Variants in CTNND2 observed in about 807,000 individuals in gnomAD.
The protein encoded by CTNND2 is catenin delta 2.
CTNND2 carries 22 observed loss-of-function variants against 144.4 expected under a neutral mutation model. The observed-to-expected ratio is 0.15, with a 90% CI of 0.11 to 0.22. The LOEUF (loss-of-function observed/expected upper bound fraction) is 0.22, where lower values mean the gene tolerates loss of function less well. Among genes scored for constraint, CTNND2 ranks in the 10% least tolerant of loss-of-function variants. The pLI is 1.00. For missense variants in CTNND2, 1,353 were observed against 1,618.8 expected (o/e 0.84, Z 2.82); for synonymous variants, 751 against 695.6 (o/e 1.08, Z -1.25).
intron 2 of CTNND2, among the ~76,000 whole-genome samples, chr5:11,599,060 A>G (rs1388831952): frequency 2.0e-5 from 3 of 152,142 alleles, no homozygotes; most frequent in African/African-American, 7.2e-5. Context: ...ATCTCATCAG[A>G]TGTCAAGAGA....
chr5:11,815,432 G>T (rs1458875542), intron 1 of CTNND2, among the ~76,000 whole-genome samples: 1 of 152,118 alleles, frequency 6.6e-6, no homozygotes, highest in Non-Finnish European at 1.5e-5. Context: ...TAACCAATTG[G>T]CAGCTATTAA....
chr5:11,882,782 CTACT>C (rs1387405165), intron 1 of CTNND2, among the ~76,000 whole-genome samples: 2 of 152,064 alleles, frequency 1.3e-5, no homozygotes, highest in Non-Finnish European at 2.9e-5. Context: ...ATTGCTTTGG[CTACT>C]TAGAGTCTTT....
At chr5:11,197,256 A>T (rs1435734733) in intron 11 of CTNND2, among the ~76,000 whole-genome samples, 1 of 152,236 alleles carries the variant, frequency 6.6e-6, no homozygotes, top group African/African-American at 2.4e-5. Context: ...GAGAAAGGTG[A>T]AACTGATGGC....
At chr5:11,427,356 GAACCTT>G (rs1762873884) in intron 3 of CTNND2, among the ~76,000 whole-genome samples, 1 of 149,854 alleles carries the variant, frequency 6.7e-6, no homozygotes, top group Admixed American at 6.7e-5. Flanking sequence ...CGGCTCACTG[GAACCTT>G]TGCCTCCCAG....
intron 15 of CTNND2, chr5:11,083,922 C>T (rs1241148918): frequency 8.7e-7 from 1 of 1,154,126 alleles, no homozygotes; most frequent in Non-Finnish European, 1.1e-6. Flanking sequence ...GAACGTAGGG[C>T]ATATGCCATG....
At chr5:11,710,794 A>G (rs1032248724) in intron 2 of CTNND2, among the ~76,000 whole-genome samples, 8 of 152,202 alleles carry the variant, frequency 5.3e-5, no homozygotes, top group Non-Finnish European at 1.2e-4. Context: ...GGCATTTTCA[A>G]TGGAAGGGAG....
chr5:11,032,850 T>C (rs1743627223), intron 16 of CTNND2, among the ~76,000 whole-genome samples: 1 of 152,220 alleles, frequency 6.6e-6, no homozygotes, highest in African/African-American at 2.4e-5. Context: ...GCTAGGAGTT[T>C]AGGATACTTA....
intron 10 of CTNND2, among the ~76,000 whole-genome samples, chr5:11,217,235 G>A (rs1423874500): frequency 3.9e-5 from 6 of 152,302 alleles, no homozygotes; most frequent in Middle Eastern, 3.4e-3. Context: ...GTAAGAAATC[G>A]TTCATTATAA....
intron 3 of CTNND2, among the ~76,000 whole-genome samples, chr5:11,526,406 G>A (rs544322359): frequency 6.6e-6 from 1 of 152,176 alleles, no homozygotes; most frequent in South Asian, 2.1e-4. Context: ...GCTTCAAGTC[G>A]CAGTTTCCGG....
chr5:11,656,692 G>A (rs1415421872), intron 2 of CTNND2, among the ~76,000 whole-genome samples: 1 of 152,122 alleles, frequency 6.6e-6, no homozygotes, highest in Non-Finnish European at 1.5e-5. Context: ...TTAATGCAGA[G>A]CCACAAAAGA....
rs1001276521 is a variant in CTNND2 at position 11,831,598 on chromosome 5, C to T, written c.37+72219G>A. On this transcript the variant is annotated intron_variant, in intron 1 of 21. Coordinates refer to ENST00000304623, the MANE Select transcript of CTNND2 (RefSeq NM_001332.4). ...CAGGAGAATGGCGTGAACCTGGAGG[C>T]GGAGCTTGCAGTGAGCCGAGATTGC... 3.3e-5 allele frequency among the ~76,000 whole-genome samples: 5 copies of T among 149,870 alleles called. 1 individual carries two copies. Among genetic ancestry groups the T allele is most frequent in the African/African-American group, 1.2e-4 (5 of 40,522 alleles).
In CTNND2 at chr5:11,201,635, A is replaced by C. The variant is rs73742373; in HGVS notation, c.1762-1974T>G. On this transcript the variant is annotated intron_variant, in intron 10 of 21. Coordinates refer to ENST00000304623, the MANE Select transcript of CTNND2 (RefSeq NM_001332.4). ...TAAATCCCTAAGTTGGAAACCATGA[A>C]TGCAGCGTTTCACATATGGTGCCTC... Among the ~76,000 whole-genome samples, 706 of 152,316 alleles carry C rather than the reference A, an allele frequency of 4.6e-3. 7 individuals are homozygous for C. Among genetic ancestry groups the C allele is most frequent in the African/African-American group, 0.016 (684 of 41,568 alleles).
intron 9 of CTNND2, among the ~76,000 whole-genome samples, chr5:11,293,057 A>C (rs1269565312): frequency 1.3e-5 from 2 of 152,254 alleles, no homozygotes; most frequent in Non-Finnish European, 2.9e-5. Flanking sequence ...CTCTGAAGTC[A>C]TCTAGAGTTA....
At chr5:11,808,887 T>A (rs1249530729) in intron 1 of CTNND2, among the ~76,000 whole-genome samples, 3 of 152,154 alleles carry the variant, frequency 2.0e-5, no homozygotes, top group Admixed American at 2.0e-4. Flanking sequence ...TATTGACAAC[T>A]GCAGACAAAA....
intron 3 of CTNND2, among the ~76,000 whole-genome samples, chr5:11,470,351 T>A (rs931060635): frequency 7.9e-5 from 12 of 152,108 alleles, no homozygotes; most frequent in African/African-American, 2.9e-4. Context: ...GGAGGATTGC[T>A]TGAACTTGGG....
At chr5:11,302,595 G>A (rs1749732090) in intron 9 of CTNND2, among the ~76,000 whole-genome samples, 1 of 152,140 alleles carries the variant, frequency 6.6e-6, no homozygotes, top group Non-Finnish European at 1.5e-5. Context: ...GAAAGGCAGT[G>A]AAGAGAAAAA....
At chr5:11,651,635 G>C (rs1223190538) in intron 2 of CTNND2, among the ~76,000 whole-genome samples, 1 of 152,252 alleles carries the variant, frequency 6.6e-6, no homozygotes, top group Admixed American at 6.5e-5. Flanking sequence ...AAAGCCACAG[G>C]GGTGGAGATG....
chr5:11,901,798 TAC>T (rs2126351266), intron 1 of CTNND2, among the ~76,000 whole-genome samples: 1 of 152,244 alleles, frequency 6.6e-6, no homozygotes, highest in East Asian at 1.9e-4. Context: ...CCGCTCTGGG[TAC>T]ACACACAGGC....
intron 3 of CTNND2, among the ~76,000 whole-genome samples, chr5:11,483,406 G>A (rs923750386): frequency 4.6e-5 from 7 of 152,310 alleles, no homozygotes; most frequent in African/African-American, 1.7e-4. Flanking sequence ...GTTGGGTGCT[G>A]TATAGGGCTG....
Sources: gnomAD v4.1 joint callset for allele counts (sites outside exome capture counted in the v4.1 genomes callset) on GRCh38, gnomAD v4.1.1 for gene constraint, MANE v1.5 for transcripts, NCBI Gene and HGNC (gene_info 2026-07-23, HGNC 2026-07-21) for gene names.